Variants in CTNNA3 observed in about 807,000 individuals in gnomAD.
CTNNA3 encodes catenin alpha 3.
In CTNNA3, 76 loss-of-function variants were observed where a neutral mutation model predicts 95.7. The observed-to-expected ratio is 0.79, with a 90% CI of 0.66 to 0.96. CTNNA3 has a LOEUF of 0.96. Ranked by LOEUF, CTNNA3 falls within the 40% of genes least tolerant of loss-of-function variation. The pLI is 0.00. For missense variants in CTNNA3, 1,191 were observed against 1,089.8 expected (o/e 1.09, Z -1.31); for synonymous variants, 431 against 374.4 (o/e 1.15, Z -1.74).
intron 11 of CTNNA3, among the ~76,000 whole-genome samples, chr10:66,446,411 T>G (rs926260705): frequency 6.6e-6 from 1 of 152,024 alleles, no homozygotes; most frequent in Non-Finnish European, 1.5e-5. Context: ...TGAACATTGA[T>G]GCAAAAATCC....
At chr10:66,235,928 C>T (rs1010141782) in intron 13 of CTNNA3, among the ~76,000 whole-genome samples, 3 of 152,136 alleles carry the variant, frequency 2.0e-5, no homozygotes, top group Non-Finnish European at 4.4e-5. Context: ...TGACTAAAAA[C>T]ATTTTTTCTC....
chr10:66,729,500 A>G (rs1355733318), intron 9 of CTNNA3, among the ~76,000 whole-genome samples: 1 of 152,224 alleles, frequency 6.6e-6, no homozygotes. Flanking sequence ...AGCAATGTGG[A>G]TGGAATTGGA....
chr10:66,845,869 G>A (rs111886896), intron 7 of CTNNA3, among the ~76,000 whole-genome samples: 5,601 of 151,578 alleles, frequency 0.037, 355 homozygotes, highest in African/African-American at 0.13. Context: ...GGTGGCTCAC[G>A]TCAGTAATCC....
intron 13 of CTNNA3, among the ~76,000 whole-genome samples, chr10:66,155,750 T>C (rs2084465655): frequency 6.6e-6 from 1 of 151,882 alleles, no homozygotes; most frequent in Non-Finnish European, 1.5e-5. Context: ...ATAAAGCTTT[T>C]AGAAGCAAAC....
chr10:66,649,933 G>A (rs909684682), intron 9 of CTNNA3, among the ~76,000 whole-genome samples: 3 of 152,188 alleles, frequency 2.0e-5, no homozygotes, highest in African/African-American at 4.8e-5. Context: ...CAGACAAGCC[G>A]GAAGCTAAAA....
At chr10:67,397,979 G>A (rs1844776880) in intron 5 of CTNNA3, among the ~76,000 whole-genome samples, 1 of 152,212 alleles carries the variant, frequency 6.6e-6, no homozygotes, top group Non-Finnish European at 1.5e-5. Context: ...GGATGTCTAG[G>A]CAGAAGTTTG....
intron 1 of CTNNA3, among the ~76,000 whole-genome samples, chr10:67,719,357 G>A (rs1018887940): frequency 1.3e-5 from 2 of 151,628 alleles, no homozygotes; most frequent in Non-Finnish European, 2.9e-5. Context: ...GAATTTGTTT[G>A]CTCTTGCTTC....
chr10:67,164,209 G>T (rs1861666431), intron 7 of CTNNA3, among the ~76,000 whole-genome samples: 1 of 152,048 alleles, frequency 6.6e-6, no homozygotes, highest in African/African-American at 2.4e-5. Context: ...GTGATTTCAA[G>T]ACTTATTATA....
chr10:66,308,097 T>G (rs901257791), intron 12 of CTNNA3, among the ~76,000 whole-genome samples: 1 of 152,226 alleles, frequency 6.6e-6, no homozygotes, highest in African/African-American at 2.4e-5. Flanking sequence ...TGGCAGGATT[T>G]TTATGCTTTA....
chr10:66,702,379 G>A (rs189882806), intron 9 of CTNNA3, among the ~76,000 whole-genome samples: 16 of 152,102 alleles, frequency 1.1e-4, no homozygotes, highest in African/African-American at 3.9e-4. Flanking sequence ...GGCATTTTGT[G>A]GATGGCTTTT....
chr10:66,276,629 T>A (rs528116176), intron 13 of CTNNA3, among the ~76,000 whole-genome samples: 44 of 152,260 alleles, frequency 2.9e-4, no homozygotes, highest in Admixed American at 1.1e-3. Flanking sequence ...AAGTATCCTC[T>A]TATTTAAACA....
chr10:67,512,203 T>A (rs1241700404), intron 5 of CTNNA3, among the ~76,000 whole-genome samples: 3 of 152,326 alleles, frequency 2.0e-5, no homozygotes, highest in South Asian at 4.1e-4. Context: ...GGATAGCTAC[T>A]ACCAAAAAAC....
chr10:66,007,718 C>CTT (rs1360267695), intron 15 of CTNNA3, among the ~76,000 whole-genome samples: 3 of 143,430 alleles, frequency 2.1e-5, no homozygotes, highest in Admixed American at 1.4e-4. Flanking sequence ...CCCTCCCTCC[C>CTT]TCCCTCCCTT....
intron 15 of CTNNA3, among the ~76,000 whole-genome samples, chr10:66,064,902 G>T (rs1191207771): frequency 6.6e-6 from 1 of 151,926 alleles, no homozygotes. Flanking sequence ...AATTAATTCA[G>T]CTACTACATA....
chr10:66,814,783 A>C (rs1290291826), intron 7 of CTNNA3, among the ~76,000 whole-genome samples: 1 of 152,104 alleles, frequency 6.6e-6, no homozygotes, highest in Non-Finnish European at 1.5e-5. Flanking sequence ...ATAAATAAAT[A>C]AAGCTTAAAG....
chr10:66,520,267 T>G (rs1473517306), intron 11 of CTNNA3, among the ~76,000 whole-genome samples: 1 of 140,348 alleles, frequency 7.1e-6, no homozygotes, highest in Non-Finnish European at 1.5e-5. Context: ...TTTTTTTTTT[T>G]TTGAGATAGA....
chr10:66,346,211 G>GTATATATA (rs368554085), intron 12 of CTNNA3, among the ~76,000 whole-genome samples: 39 of 105,482 alleles, frequency 3.7e-4, no homozygotes, highest in South Asian at 1.1e-3. Context: ...ATGTGTGTGT[G>GTATATATA]TATATATATA....
chr10:66,133,238 T>C (rs886703210), intron 13 of CTNNA3, among the ~76,000 whole-genome samples: 1 of 152,110 alleles, frequency 6.6e-6, no homozygotes, highest in Non-Finnish European at 1.5e-5. Context: ...TATCTAGCCA[T>C]GTGCAGTGGC....
Position 66,839,399 on chromosome 10 carries a change from A to G in CTNNA3, c.1048-63875T>C, listed in dbSNP as rs185973233. On this transcript the variant is annotated intron_variant, in intron 7 of 17. Transcript: ENST00000433211. ...TGGCAAAAATTCTAGTTCTTAGCTG[A>G]CATATGACATGAATATGAGTACCTT... Among the ~76,000 whole-genome samples, 376 of 152,286 alleles carry G rather than the reference A, an allele frequency of 2.5e-3. 1 individual carries two copies. The highest frequency in any genetic ancestry group is 8.6e-3 in the African/African-American group (359 of 41,578).
Sources: allele counts gnomAD v4.1 joint callset (sites outside exome capture counted in the v4.1 genomes callset), GRCh38; gene constraint gnomAD v4.1.1; transcripts MANE v1.5; gene names NCBI Gene and HGNC (gene_info 2026-07-23, HGNC 2026-07-21).